LGSN: variants seen among roughly 807,000 people sequenced by gnomAD.
The protein encoded by LGSN is lengsin.
In LGSN, 21 loss-of-function variants were observed where a neutral mutation model predicts 19.5. The ratio of observed to expected loss-of-function variants is 1.07; its 90% CI spans 0.76 to 1.55. The LOEUF (loss-of-function observed/expected upper bound fraction) is 1.55. Ranked by LOEUF, LGSN falls within the 40% of genes most tolerant of loss-of-function variation. The pLI is 0.00. For missense variants in LGSN, 673 were observed against 608.5 expected (o/e 1.11, Z -1.12); for synonymous variants, 257 against 215.6 (o/e 1.19, Z -1.68).
chr6:63,450,381 T>C, the LGSN span, among the ~76,000 whole-genome samples: 1 of 145,838 alleles, frequency 6.9e-6, no homozygotes, highest in African/African-American at 2.5e-5. Context: ...AATAAATAAA[T>C]AAATAAAATT....
At chr6:63,461,617 T>G in the LGSN span, among the ~76,000 whole-genome samples, 3 of 152,238 alleles carry the variant, frequency 2.0e-5, no homozygotes, top group South Asian at 4.1e-4. Context: ...CCAGAAGAGA[T>G]ATGCTGCAGT....
the LGSN span, among the ~76,000 whole-genome samples, chr6:63,404,917 C>T: frequency 2.4e-4 from 36 of 151,764 alleles, no homozygotes; most frequent in Admixed American, 1.5e-3. Context: ...AACTCATCAC[C>T]TATCATTAGG....
At chr6:63,314,438 A>T (rs1768764128) in intron 1 of LGSN, among the ~76,000 whole-genome samples, 1 of 152,200 alleles carries the variant, frequency 6.6e-6, no homozygotes, top group African/African-American at 2.4e-5. Context: ...AACCTACGGC[A>T]ATTTGTTATA....
chr6:63,407,509 C>T, the LGSN span, among the ~76,000 whole-genome samples: 5 of 152,142 alleles, frequency 3.3e-5, no homozygotes, highest in East Asian at 1.9e-4. Flanking sequence ...TCAATAAATT[C>T]GGTATTGATG....
the LGSN span, chr6:63,548,638 A>G: frequency 2.5e-6 from 1 of 406,904 alleles, no homozygotes; most frequent in Non-Finnish European, 4.5e-6. Flanking sequence ...CACAACCCTG[A>G]TTTAATTTTT....
the LGSN span, among the ~76,000 whole-genome samples, chr6:63,496,719 C>T: frequency 6.6e-6 from 1 of 150,676 alleles, no homozygotes; most frequent in Non-Finnish European, 1.5e-5. Context: ...TCCCAAAGTG[C>T]TGAGATTACA....
At chr6:63,359,999 C>A in the LGSN span, among the ~76,000 whole-genome samples, 3 of 152,220 alleles carry the variant, frequency 2.0e-5, no homozygotes, top group Non-Finnish European at 4.4e-5. Flanking sequence ...CCCCCACTCT[C>A]TTCTGGATTG....
At chr6:63,450,147 G>A in the LGSN span, among the ~76,000 whole-genome samples, 1 of 143,008 alleles carries the variant, frequency 7.0e-6, no homozygotes, top group Non-Finnish European at 1.5e-5. Context: ...AGGAGTTCTA[G>A]ACCAGCCTGG....
chr6:63,456,723 C>G, the LGSN span, among the ~76,000 whole-genome samples: 1 of 152,088 alleles, frequency 6.6e-6, no homozygotes, highest in African/African-American at 2.4e-5. Flanking sequence ...TCCTAACAGA[C>G]TGAAAATTCT....
At chr6:63,559,570 C>A in the LGSN span, among the ~76,000 whole-genome samples, 1 of 151,988 alleles carries the variant, frequency 6.6e-6, no homozygotes, top group Non-Finnish European at 1.5e-5. Context: ...CATGGTGAAA[C>A]CCTGTCTCTA....
At chr6:63,352,702 CACAG>C in the LGSN span, among the ~76,000 whole-genome samples, 448 of 152,080 alleles carry the variant, frequency 2.9e-3, 3 homozygotes, top group African/African-American at 0.01. Context: ...CACACACACA[CACAG>C]ACACACAGTT....
the LGSN span, among the ~76,000 whole-genome samples, chr6:63,444,513 G>A: frequency 7.9e-5 from 12 of 152,286 alleles, no homozygotes; most frequent in African/African-American, 2.6e-4. Flanking sequence ...TCAAAGTAGT[G>A]TAACATGAGG....
chr6:63,380,418 A>G, the LGSN span, among the ~76,000 whole-genome samples: 2 of 152,196 alleles, frequency 1.3e-5, no homozygotes, highest in Non-Finnish European at 2.9e-5. Flanking sequence ...ACAGGAAAGG[A>G]AACAGCATTC....
the LGSN span, among the ~76,000 whole-genome samples, chr6:63,530,913 G>T: frequency 6.6e-6 from 1 of 152,036 alleles, no homozygotes; most frequent in East Asian, 1.9e-4. Flanking sequence ...GATTAGAATG[G>T]TTTCCATACC....
intron 1 of LGSN, among the ~76,000 whole-genome samples, chr6:63,295,254 T>A (rs1445303452): frequency 6.6e-6 from 1 of 152,208 alleles, no homozygotes; most frequent in Non-Finnish European, 1.5e-5. Flanking sequence ...AGTCTCTATC[T>A]CCTTTTATAT....
chr6:63,287,449 G>A (rs952858748), intron 2 of LGSN, among the ~76,000 whole-genome samples: 1 of 152,080 alleles, frequency 6.6e-6, no homozygotes, highest in African/African-American at 2.4e-5. Flanking sequence ...ATACCAGCAG[G>A]AGTGAGGTGG....
At chr6:63,356,260 C>T in the LGSN span, among the ~76,000 whole-genome samples, 2 of 152,130 alleles carry the variant, frequency 1.3e-5, no homozygotes, top group African/African-American at 4.8e-5. Context: ...ATAAAGCAGG[C>T]CAGGCACAGT....
At chr6:63,384,776 C>T in the LGSN span, among the ~76,000 whole-genome samples, 2 of 152,184 alleles carry the variant, frequency 1.3e-5, no homozygotes, top group African/African-American at 4.8e-5. Flanking sequence ...CCTCAGCCTC[C>T]CAAAGTGCTG....
intron 1 of LGSN, among the ~76,000 whole-genome samples, chr6:63,315,618 CTGTGTGTGTGTGTGTGTG>C (rs10601946): frequency 2.2e-5 from 3 of 138,078 alleles, no homozygotes; most frequent in Non-Finnish European, 4.7e-5. Context: ...CTCTCTCTCT[CTGTGTGTGTGTGTGTGTG>C]TGTGTGTGTG....
Sources: gnomAD v4.1 joint callset for allele counts (sites outside exome capture counted in the v4.1 genomes callset) on GRCh38, gnomAD v4.1.1 for gene constraint, MANE v1.5 for transcripts, NCBI Gene and HGNC (gene_info 2026-07-23, HGNC 2026-07-21) for gene names.